The following ATXN7 variants were observed in gnomAD, a reference collection of about 807,000 sequenced individuals.
ATXN7 encodes ataxin 7, also known as ataxin-7.
In ATXN7, 12 loss-of-function variants were observed where a neutral mutation model predicts 70.5. The observed-to-expected ratio is 0.17, with a 90% CI of 0.11 to 0.28. ATXN7 has a LOEUF of 0.28. Ranked by LOEUF, ATXN7 falls within the 10% of genes least tolerant of loss-of-function variation. The probability of loss-of-function intolerance (pLI) is 1.00; values close to 1 mark genes in which losing one functional copy is unlikely to be tolerated. For synonymous variants in ATXN7, 498 were observed against 448.7 expected, an observed-to-expected ratio of 1.11 and a Z score of -1.39; for missense variants, 1,256 against 1,131.7, an observed-to-expected ratio of 1.11 and a Z score of -1.58.
chr3:63,954,709 T>G (rs1041943364), intron 5 of ATXN7, among the ~76,000 whole-genome samples: 1 of 145,182 alleles, frequency 6.9e-6, no homozygotes, highest in African/African-American at 2.7e-5. Context: ...GTTTTTTTTT[T>G]TGTTTTTTTT....
At chr3:63,922,093 G>T (rs1704532795) in intron 4 of ATXN7, among the ~76,000 whole-genome samples, 1 of 151,962 alleles carries the variant, frequency 6.6e-6, no homozygotes, top group South Asian at 2.1e-4. Flanking sequence ...TAGTGCAGTG[G>T]CATGATCCAT....
Position 63,995,938 on chromosome 3 carries a change from A to C in ATXN7, c.2116A>C (p.Lys706Gln), listed in dbSNP as rs755260119. The change falls in exon 12 of 13, where the codon AAA becomes CAA. Residue 706 changes from lysine to glutamine, a missense_variant. Transcript: ENST00000674280. ...SSSTSGGSGK[K>Q]RKNSSPLLVH... ...CAGTACCAGTGGCGGCTCAGGAAAG[A>C]AACGCAAAAACAGTTCCCCACTGTT... 6.2e-7 allele frequency: 1 copy of C among 1,614,214 alleles called. No individual in the cohort carries two copies. The highest frequency in any genetic ancestry group is 1.1e-5 in the South Asian group (1 of 91,084).
At chr3:63,928,464 G>A (rs1167015635) in intron 4 of ATXN7, among the ~76,000 whole-genome samples, 2 of 151,964 alleles carry the variant, frequency 1.3e-5, no homozygotes, top group African/African-American at 4.8e-5. Context: ...AAAAAATTAA[G>A]CATCTTAGAC....
intron 9 of ATXN7, 29 bp from the exon 10 acceptor site, chr3:63,990,147 G>C: frequency 6.2e-7 from 1 of 1,609,062 alleles, no homozygotes; most frequent in Non-Finnish European, 8.5e-7. Flanking sequence ...TGTGTGATCT[G>C]ATCCGTGCTG....
At position 63,966,055 on chromosome 3, in the gene ATXN7, C is replaced by T. The variant is rs541224522; in HGVS notation, c.499+13572C>T. On this transcript the variant is annotated intron_variant, in intron 5 of 12. Coordinates refer to ENST00000674280, the MANE Select transcript of ATXN7 (RefSeq NM_001377405.1). ...TACAGGGTTGCAGAACGACTTGATT[C>T]TTAGAACTGTCTTGGATTGGCTGAC... is the stretch of plus-strand genomic sequence containing the variant. 3.3e-5 allele frequency among the ~76,000 whole-genome samples: 5 copies of T among 152,292 alleles called. No individual in the cohort carries two copies. In the South Asian group the frequency reaches 8.3e-4, roughly 25 times the overall value.
At chr3:63,953,450 A>G (rs1409660415) in intron 5 of ATXN7, among the ~76,000 whole-genome samples, 1 of 152,158 alleles carries the variant, frequency 6.6e-6, no homozygotes. Context: ...CCTGATATTC[A>G]TAGGCCAGGC....
At chr3:63,964,054 A>G (rs2075177231) in intron 5 of ATXN7, among the ~76,000 whole-genome samples, 1 of 146,836 alleles carries the variant, frequency 6.8e-6, no homozygotes, top group Non-Finnish European at 1.5e-5. Flanking sequence ...AGCCTCTTAC[A>G]ATGTTCCTTA....
chr3:63,933,269 TTTC>T (rs1264494679), intron 4 of ATXN7, among the ~76,000 whole-genome samples: 1 of 152,200 alleles, frequency 6.6e-6, no homozygotes, highest in Non-Finnish European at 1.5e-5. Context: ...TGTGTCTCCC[TTTC>T]TTCAAGTTTT....
At chr3:63,974,360 G>A (rs2075359867) in intron 5 of ATXN7, among the ~76,000 whole-genome samples, 1 of 152,212 alleles carries the variant, frequency 6.6e-6, no homozygotes, top group Non-Finnish European at 1.5e-5. Flanking sequence ...ATTTTGCCCA[G>A]CACTTAGGGA....
rs892589506 is a variant in ATXN7 at position 64,001,445 on chromosome 3, G to C, written c.*1978G>C. 1 of 152,186 alleles carries C rather than the reference G, an allele frequency of 6.6e-6. No homozygotes were observed. The highest frequency in any genetic ancestry group is 1.5e-5 in the Non-Finnish European group (1 of 68,040). 9.4% of individuals were successfully genotyped at this position (152,186 alleles called of 1,614,324 possible). On this transcript the variant is annotated 3_prime_UTR_variant, in exon 13 of 13. Transcript: ENST00000674280. ...TACCTAGTTGATTCCTTGGTGACAA[G>C]TGCAATGGGGTATGGGTAGAATTTA...
rs1432642496 is a variant in ATXN7, at chr3:64,002,500, T to TGTGTGTGTGCCTGTGC, written c.*3043_*3058dup. On this transcript the variant is annotated 3_prime_UTR_variant, in exon 13 of 13. Coordinates refer to ENST00000674280, the MANE Select transcript of ATXN7 (RefSeq NM_001377405.1). ...TTATGTGTGGGAGTATGTGACTGCG[T>TGTGTGTGTGCCTGTGC]GTGTGTGTGCCTGTGCGTGTGTGTG... The TGTGTGTGTGCCTGTGC allele has an allele frequency of 6.6e-5, 10 of 151,206 alleles. No homozygotes were observed. The highest frequency in any genetic ancestry group is 2.0e-4 in the African/African-American group (8 of 40,642). 9.4% of individuals were successfully genotyped at this position (151,206 alleles called of 1,614,324 possible).
At chr3:63,961,113 G>C (rs1016125675) in intron 5 of ATXN7, among the ~76,000 whole-genome samples, 1 of 151,932 alleles carries the variant, frequency 6.6e-6, no homozygotes, top group Non-Finnish European at 1.5e-5. Context: ...ACTTTTCAGG[G>C]GTACAGTTTG....
intron 1 of ATXN7, among the ~76,000 whole-genome samples, chr3:63,897,434 G>A (rs1000032797): frequency 6.6e-6 from 1 of 152,168 alleles, no homozygotes; most frequent in Non-Finnish European, 1.5e-5. Flanking sequence ...ATGAGTAAAT[G>A]TTCAAAACAT....
At chr3:63,915,431 G>A (rs1261287400) in intron 4 of ATXN7, among the ~76,000 whole-genome samples, 2 of 152,208 alleles carry the variant, frequency 1.3e-5, no homozygotes, top group Non-Finnish European at 2.9e-5. Context: ...GTTTGAGGAT[G>A]TTCAGCACTC....
chr3:63,907,331 A>T (rs890749138), intron 2 of ATXN7, among the ~76,000 whole-genome samples: 3 of 152,180 alleles, frequency 2.0e-5, no homozygotes, highest in Non-Finnish European at 2.9e-5. Context: ...ACAAAGGTAC[A>T]TGGGAAATTA....
At chr3:63,995,422 A>G (rs1442893080) in intron 11 of ATXN7, 83 bp from the exon 12 acceptor site, 2 of 1,471,688 alleles carry the variant, frequency 1.4e-6, no homozygotes, top group Non-Finnish European at 9.4e-7. Context: ...TCTCTTTGTC[A>G]CAAGCAAAGA....
intron 4 of ATXN7, among the ~76,000 whole-genome samples, chr3:63,924,621 C>G (rs1704642278): frequency 6.6e-6 from 1 of 152,030 alleles, no homozygotes; most frequent in Non-Finnish European, 1.5e-5. Context: ...GTGATGGTCT[C>G]TGTTATATGC....
intron 11 of ATXN7, among the ~76,000 whole-genome samples, chr3:63,991,942 G>C (rs1438060061): frequency 6.6e-6 from 1 of 152,186 alleles, no homozygotes; most frequent in Non-Finnish European, 1.5e-5. Context: ...CATGTCCCAA[G>C]CTCTTTTCAC....
chr3:63,900,062 C>G (rs372408525), intron 2 of ATXN7, among the ~76,000 whole-genome samples: 2 of 152,020 alleles, frequency 1.3e-5, no homozygotes, highest in Non-Finnish European at 2.9e-5. Flanking sequence ...CCAGCCCCAG[C>G]GGCAGCAAGA....
Sources: gnomAD v4.1 joint callset for allele counts (sites outside exome capture counted in the v4.1 genomes callset) on GRCh38, gnomAD v4.1.1 for gene constraint, MANE v1.5 for transcripts, NCBI Gene and HGNC (gene_info 2026-07-23, HGNC 2026-07-21) for gene names.